Variants in ADISSP observed in about 807,000 individuals in gnomAD.
The protein encoded by ADISSP is adipose secreted signaling protein.
the ADISSP span, chr20:3,767,866 G>A: frequency 1.3e-5 from 2 of 152,228 alleles, no homozygotes; most frequent in African/African-American, 4.8e-5. Flanking sequence ...TCCAAAGAAC[G>A]GCCAACTGGC....
At chr20:3,761,113 C>A in the ADISSP span, among the ~76,000 whole-genome samples, 1 of 152,148 alleles carries the variant, frequency 6.6e-6, no homozygotes, top group African/African-American at 2.4e-5. Context: ...TTTCTTGTAA[C>A]CAAATTGCCC....
At chr20:3,758,800 T>C in the ADISSP span, 1 of 910,072 alleles carries the variant, frequency 1.1e-6, no homozygotes, top group Non-Finnish European at 1.7e-6. The surrounding 1 kb of genome is among the most constrained non-coding windows in gnomAD (Gnocchi z 5.5). Flanking sequence ...GCTGGGCTCT[T>C]TTCAGGGCTA....
At chr20:3,757,460 A>G in the ADISSP span, among the ~76,000 whole-genome samples, 1 of 152,120 alleles carries the variant, frequency 6.6e-6, no homozygotes, top group Non-Finnish European at 1.5e-5. Context: ...TGTCTTCCAA[A>G]TTTTCTCATG....
At chr20:3,760,007 C>G in the ADISSP span, 1 of 1,609,476 alleles carries the variant, frequency 6.2e-7, no homozygotes, top group South Asian at 1.1e-5. Flanking sequence ...CGGGCCCTAC[C>G]TGCAGCAATG....
the ADISSP span, among the ~76,000 whole-genome samples, chr20:3,756,438 GGGGTGCCACGCCAGCAGGCAAA>G: frequency 0.62 from 94,092 of 152,000 alleles, 29,587 homozygotes; most frequent in Middle Eastern, 0.68. Flanking sequence ...GGGGCTGGTG[GGGGTGCCACGCCAGCAGGCAAA>G]GGGTGCCTGC....
At chr20:3,762,258 C>T in the ADISSP span, among the ~76,000 whole-genome samples, 1 of 149,116 alleles carries the variant, frequency 6.7e-6, no homozygotes, top group Non-Finnish European at 1.5e-5. Flanking sequence ...GGTGACACAG[C>T]GAGACTCTGT....
the ADISSP span, chr20:3,754,388 C>G: frequency 6.2e-7 from 1 of 1,604,972 alleles, no homozygotes; most frequent in Non-Finnish European, 8.5e-7. Context: ...AGGAGCCTCA[C>G]GCTCTCACCC....
the ADISSP span, among the ~76,000 whole-genome samples, chr20:3,766,436 C>T: frequency 6.9e-6 from 1 of 145,522 alleles, no homozygotes; most frequent in Admixed American, 7.3e-5. Flanking sequence ...CTCCTTCTAA[C>T]AGTGAGGTGC....
At chr20:3,760,724 G>A in the ADISSP span, among the ~76,000 whole-genome samples, 1 of 152,204 alleles carries the variant, frequency 6.6e-6, no homozygotes, top group Non-Finnish European at 1.5e-5. Flanking sequence ...AGGGCCATAT[G>A]CAAAACAGAT....
the ADISSP span, among the ~76,000 whole-genome samples, chr20:3,764,850 C>T: frequency 6.6e-6 from 1 of 152,260 alleles, no homozygotes; most frequent in African/African-American, 2.4e-5. Flanking sequence ...AACTCCCCAC[C>T]CCACTCTTTT....
At chr20:3,759,760 C>T in the ADISSP span, among the ~76,000 whole-genome samples, 1 of 152,134 alleles carries the variant, frequency 6.6e-6, no homozygotes. This position sits in a 1 kb window ranked among gnomAD's most constrained non-coding sequence, Gnocchi z 4.6. Context: ...TCCCACATCA[C>T]CAGTCTCAGT....
the ADISSP span, among the ~76,000 whole-genome samples, chr20:3,765,875 T>C: frequency 6.6e-6 from 1 of 152,030 alleles, no homozygotes; most frequent in Non-Finnish European, 1.5e-5. Context: ...GGGAGGAACA[T>C]GGTGCCTCCC....
At chr20:3,768,054 C>T in the ADISSP span, 1 of 152,628 alleles carries the variant, frequency 6.6e-6, no homozygotes, top group Admixed American at 6.5e-5. Context: ...GCTCCTTCTT[C>T]CGCCTGGGGG....
chr20:3,754,234 C>G, the ADISSP span: 1 of 1,507,082 alleles, frequency 6.6e-7, no homozygotes, highest in Non-Finnish European at 9.2e-7. Context: ...GGACCCCTCC[C>G]CTTCCCTCAG....
chr20:3,761,435 G>A, the ADISSP span, among the ~76,000 whole-genome samples: 8 of 151,650 alleles, frequency 5.3e-5, no homozygotes, highest in South Asian at 2.1e-4. Flanking sequence ...TCCTGGGTTC[G>A]AGCGACTCTC....
At chr20:3,758,647 A>G in the ADISSP span, 5 of 1,613,902 alleles carry the variant, frequency 3.1e-6, no homozygotes, top group Non-Finnish European at 4.2e-6. This position sits in a 1 kb window ranked among gnomAD's most constrained non-coding sequence, Gnocchi z 5.5. Context: ...GGCCTGCCGC[A>G]AAGCGGATAC....
At chr20:3,760,487 A>C in the ADISSP span, among the ~76,000 whole-genome samples, 1 of 152,154 alleles carries the variant, frequency 6.6e-6, no homozygotes, top group African/African-American at 2.4e-5. Context: ...GCACCCCCAG[A>C]GACTGGCAGG....
At chr20:3,765,060 C>T in the ADISSP span, among the ~76,000 whole-genome samples, 1 of 152,208 alleles carries the variant, frequency 6.6e-6, no homozygotes, top group East Asian at 1.9e-4. Context: ...ACACTGAGGG[C>T]CTGTAACCCT....
At chr20:3,759,383 C>T in the ADISSP span, among the ~76,000 whole-genome samples, 1 of 152,194 alleles carries the variant, frequency 6.6e-6, no homozygotes, top group Non-Finnish European at 1.5e-5. This position sits in a 1 kb window ranked among gnomAD's most constrained non-coding sequence, Gnocchi z 4.6. Context: ...TCGGGTTCTC[C>T]AAGGCCAGAA....
Sources: allele counts gnomAD v4.1 joint callset (sites outside exome capture counted in the v4.1 genomes callset), GRCh38; gene constraint gnomAD v4.1.1; non-coding constraint Gnocchi (gnomAD v3.1); transcripts MANE v1.5; gene names NCBI Gene and HGNC (gene_info 2026-07-23, HGNC 2026-07-21).